The following NTRK3 variants were observed in gnomAD, a reference collection of about 807,000 sequenced individuals.
NTRK3 encodes the protein neurotrophic receptor tyrosine kinase 3.
NTRK3 carries 24 observed loss-of-function variants against 91.7 expected under a neutral mutation model. The observed-to-expected ratio is 0.26, with a 90% CI of 0.19 to 0.37. The LOEUF (loss-of-function observed/expected upper bound fraction) is 0.37. Among genes scored for constraint, NTRK3 ranks in the 10% least tolerant of loss-of-function variants. The pLI is 1.00. For synonymous variants in NTRK3, 483 were observed against 404.0 expected (o/e 1.20, Z -2.34); for missense variants, 880 against 1,068.9 (o/e 0.82, Z 2.46).
At chr15:88,203,218 G>C (rs1396373215) in intron 3 of NTRK3, among the ~76,000 whole-genome samples, 2 of 152,140 alleles carry the variant, frequency 1.3e-5, no homozygotes, top group African/African-American at 4.8e-5. Flanking sequence ...TAGAAGTCCT[G>C]AGATTACTTC....
chr15:88,238,279 T>C (rs1256092501), intron 3 of NTRK3, among the ~76,000 whole-genome samples: 1 of 152,362 alleles, frequency 6.6e-6, no homozygotes, highest in East Asian at 1.9e-4. Flanking sequence ...AGGATTTTAA[T>C]ATTGTTTTTA....
chr15:87,863,020 T>A (rs1237746420), exon 19 of NTRK3: 5 of 230,876 alleles, frequency 2.2e-5, no homozygotes, highest in African/African-American at 4.4e-5. Context: ...TGATTGTGTA[T>A]AAGCAGTCCT....
At chr15:88,137,599 C>A in intron 6 of NTRK3, 38 bp from the exon 7 acceptor site, 1 of 1,607,144 alleles carries the variant, frequency 6.2e-7, no homozygotes, top group Non-Finnish European at 8.5e-7. Context: ...ACCTCTGAAC[C>A]GAAGATGGCC....
intron 13 of NTRK3, among the ~76,000 whole-genome samples, chr15:88,123,907 G>T (rs186350445): frequency 6.6e-5 from 10 of 152,134 alleles, no homozygotes; most frequent in Non-Finnish European, 1.0e-4. Context: ...CAGACTTAAC[G>T]AGTCTATTCT....
chr15:87,885,829 A>C (rs1038994015), intron 17 of NTRK3, 94 bp from the exon 18 acceptor site: 13 of 469,006 alleles, frequency 2.8e-5, no homozygotes, highest in African/African-American at 2.4e-4. Context: ...TAAATAAGAC[A>C]CATGTTCAAG....
chr15:88,039,584 T>C (rs2079407795), intron 13 of NTRK3, among the ~76,000 whole-genome samples: 1 of 152,006 alleles, frequency 6.6e-6, no homozygotes, highest in South Asian at 2.1e-4. Flanking sequence ...GAGCAAGGAA[T>C]GGCTCCAATT....
At chr15:88,183,592 C>T (rs950510067) in intron 4 of NTRK3, 103 bp from the exon 5 acceptor site, 56 of 1,074,538 alleles carry the variant, frequency 5.2e-5, no homozygotes, top group East Asian at 7.1e-5. Context: ...GCCCTGCAGC[C>T]GCCCTGTGGA....
In NTRK3 at chr15:88,176,086, G is replaced by T. The variant is rs181876250; in HGVS notation, c.395+7332C>A. ...GATTCTGTACTATTTATATTTGTAC[G>T]TTCCAATAATATAAGTGATATGCAT... On this transcript the variant is annotated intron_variant, in intron 5 of 18. Coordinates refer to ENST00000394480, the Ensembl canonical transcript of NTRK3. Among the ~76,000 whole-genome samples, 14 of 149,868 alleles carry T rather than the reference G, an allele frequency of 9.3e-5. No individual in the cohort carries two copies. In the South Asian group the frequency reaches 2.7e-3, roughly 29 times the overall value.
intron 5 of NTRK3, among the ~76,000 whole-genome samples, chr15:88,178,966 G>C (rs1329375870): frequency 6.6e-6 from 1 of 152,204 alleles, no homozygotes; most frequent in African/African-American, 2.4e-5. Context: ...AAAGTACACG[G>C]ACTTCAGATT....
intron 3 of NTRK3, among the ~76,000 whole-genome samples, chr15:88,247,966 C>G (rs2052998799): frequency 1.3e-5 from 2 of 152,158 alleles, no homozygotes; most frequent in Admixed American, 1.3e-4. Flanking sequence ...TTAGACACCC[C>G]CCTTTTGCTC....
intron 14 of NTRK3, among the ~76,000 whole-genome samples, chr15:88,019,346 T>C (rs1338580332): frequency 6.6e-6 from 1 of 152,188 alleles, no homozygotes; most frequent in East Asian, 1.9e-4. Flanking sequence ...GGGTGGCAGG[T>C]ACTGTCATTT....
At chr15:88,250,806 T>C (rs2053273402) in intron 3 of NTRK3, among the ~76,000 whole-genome samples, 1 of 152,252 alleles carries the variant, frequency 6.6e-6, no homozygotes, top group Non-Finnish European at 1.5e-5. Flanking sequence ...AAGTTTATTT[T>C]ATAAACCCCA....
At chr15:88,107,370 G>T (rs1327143262) in intron 13 of NTRK3, among the ~76,000 whole-genome samples, 1 of 152,172 alleles carries the variant, frequency 6.6e-6, no homozygotes, top group Non-Finnish European at 1.5e-5. Flanking sequence ...TTGAGCCCAG[G>T]AGTTGGAGGC....
chr15:87,924,343 T>A (rs1414513251), intron 17 of NTRK3, among the ~76,000 whole-genome samples: 1 of 152,148 alleles, frequency 6.6e-6, no homozygotes, highest in Non-Finnish European at 1.5e-5. Context: ...TGATTCCCAC[T>A]TCCTAAGGAT....
intron 5 of NTRK3, among the ~76,000 whole-genome samples, chr15:88,157,596 C>T (rs2044033342): frequency 6.6e-6 from 1 of 152,046 alleles, no homozygotes; most frequent in Admixed American, 6.5e-5. Context: ...TCAGCACAAA[C>T]CTTCACGTCT....
intron 17 of NTRK3, among the ~76,000 whole-genome samples, chr15:87,913,984 C>T (rs577172696): frequency 6.6e-6 from 1 of 152,298 alleles, no homozygotes; most frequent in South Asian, 2.1e-4. Context: ...CCCTTCCTGG[C>T]TCTGGACAAG....
In NTRK3 at chr15:87,941,472, T is replaced by C. The variant is rs892773265; in HGVS notation, c.1586-719A>G. On this transcript the variant is annotated intron_variant, in intron 14 of 18. Transcript: ENST00000394480. Reference sequence around the variant, plus strand: ...ACACGCATGCACACACACATACACATACACACACACACACACACACACACA... The same window carrying C: ...ACACGCATGCACACACACATACACACACACACACACACACACACACACACA... Among the ~76,000 whole-genome samples, 7 of 148,980 alleles carry C rather than the reference T, an allele frequency of 4.7e-5. No homozygotes were observed. In the South Asian group the frequency reaches 1.1e-3, roughly 23 times the overall value.
At chr15:88,106,947 A>G (rs1272954238) in intron 13 of NTRK3, among the ~76,000 whole-genome samples, 1 of 151,992 alleles carries the variant, frequency 6.6e-6, no homozygotes, top group Non-Finnish European at 1.5e-5. Flanking sequence ...AGTAAAAAAA[A>G]AAAAAAGTAT....
At chr15:87,963,294 G>T (rs933526860) in intron 14 of NTRK3, among the ~76,000 whole-genome samples, 9 of 152,090 alleles carry the variant, frequency 5.9e-5, no homozygotes, top group Non-Finnish European at 1.2e-4. Flanking sequence ...GCTGTTTTTC[G>T]TAAGAATGGA....
Sources: allele counts gnomAD v4.1 joint callset (sites outside exome capture counted in the v4.1 genomes callset), GRCh38; gene constraint gnomAD v4.1.1; transcripts MANE v1.5; gene names NCBI Gene and HGNC (gene_info 2026-07-23, HGNC 2026-07-21).